The following PTPRD variants were observed in gnomAD, a reference collection of about 807,000 sequenced individuals.
PTPRD encodes receptor-type tyrosine-protein phosphatase delta.
In PTPRD, 34 loss-of-function variants were observed where a neutral mutation model predicts 214.5. The observed-to-expected ratio is 0.16, with a 90% CI of 0.12 to 0.21. The LOEUF (loss-of-function observed/expected upper bound fraction) is 0.21, where lower values mean the gene tolerates loss of function less well. PTPRD is among the 10% of genes least tolerant of loss of function. PTPRD has a pLI of 1.00. For missense variants in PTPRD, 2,545 were observed against 2,398.7 expected (o/e 1.06, Z -1.27); for synonymous variants, 1,128 against 845.7 (o/e 1.33, Z -5.79).
At chr9:8,937,272 C>A (rs1347809671) in intron 11 of PTPRD, among the ~76,000 whole-genome samples, 1 of 152,086 alleles carries the variant, frequency 6.6e-6, no homozygotes, top group Admixed American at 6.6e-5. Context: ...AATCAAAGAA[C>A]GTGCATGGGA....
rs151078630 is a variant in PTPRD at position 9,578,135 on chromosome 9, T to C, written c.-286-3354A>G. On this transcript the variant is annotated intron_variant, in intron 7 of 45. Coordinates refer to ENST00000381196, the MANE Select transcript of PTPRD (RefSeq NM_002839.4). ...TGAGGAACAACCATTCAGAAAGCAC[T>C]GATGTTAAGCCAAGCAGGCAAACCA... Among the ~76,000 whole-genome samples, 49 of 150,632 alleles carry C rather than the reference T, an allele frequency of 3.3e-4. 1 individual carries two copies. The highest frequency in any genetic ancestry group is 1.2e-3 in the African/African-American group (48 of 41,074).
chr9:10,099,453 A>T (rs1032167389), intron 3 of PTPRD, among the ~76,000 whole-genome samples: 2 of 151,834 alleles, frequency 1.3e-5, no homozygotes, highest in Non-Finnish European at 2.9e-5. Flanking sequence ...AAATTATACG[A>T]GTTAATATAT....
intron 8 of PTPRD, among the ~76,000 whole-genome samples, chr9:9,520,533 T>A (rs892499153): frequency 6.6e-6 from 1 of 152,130 alleles, no homozygotes; most frequent in Non-Finnish European, 1.5e-5. Context: ...GTGTCTTTTT[T>A]CTACTCAGCT....
In PTPRD at chr9:10,591,255, G is replaced by A. The variant is rs886883820; in HGVS notation, c.-600+21143C>T. Among the ~76,000 whole-genome samples, 3 of 151,916 alleles carry A rather than the reference G, an allele frequency of 2.0e-5. No individual in the cohort carries two copies. In the East Asian group the frequency reaches 5.8e-4, roughly 29 times the overall value. On this transcript the variant is annotated intron_variant, in intron 2 of 45. Transcript: ENST00000381196. ...TCTATTTATATTATTTTTTGTTGGT[G>A]CATGTGTATGTGTGTATGTCTGTGG...
At position 8,931,077 on chromosome 9, in the gene PTPRD, C is replaced by T. The variant is rs138202900; in HGVS notation, c.-104+87620G>A. Among the ~76,000 whole-genome samples the T allele has an allele frequency of 8.1e-3, 1,228 of 152,110 alleles. 17 individuals are homozygous for T. The highest frequency in any genetic ancestry group is 0.028 in the African/African-American group (1,163 of 41,494). On this transcript the variant is annotated intron_variant, in intron 11 of 45. Transcript: ENST00000381196. ...ATGGTATTGCCTAGGTTTTCTTCTA[C>T]GGTTTTTATGGGTTTAGGTCTGACA...
At chr9:10,060,848 CCTTT>C (rs1176741920) in intron 3 of PTPRD, among the ~76,000 whole-genome samples, 1 of 111,268 alleles carries the variant, frequency 9.0e-6, no homozygotes, top group Non-Finnish European at 1.6e-5. Context: ...TCCTTCCTTT[CCTTT>C]CTTTCTTCCT....
At chr9:9,169,612 G>A (rs1355380066) in intron 10 of PTPRD, among the ~76,000 whole-genome samples, 2 of 152,004 alleles carry the variant, frequency 1.3e-5, no homozygotes, top group Admixed American at 1.3e-4. Flanking sequence ...GATACACATA[G>A]GCAGCTTTGT....
chr9:9,138,241 C>T (rs774251529), intron 10 of PTPRD, among the ~76,000 whole-genome samples: 1 of 151,898 alleles, frequency 6.6e-6, no homozygotes, highest in Non-Finnish European at 1.5e-5. Context: ...TTATATTACA[C>T]AGTATCTGCA....
intron 9 of PTPRD, among the ~76,000 whole-genome samples, chr9:9,354,033 G>A (rs2052604939): frequency 1.3e-5 from 2 of 151,836 alleles, no homozygotes; most frequent in Admixed American, 1.3e-4. Flanking sequence ...CCTAGAGGCT[G>A]CTCTGAGCTC....
At chr9:10,420,769 CTA>C (rs2098538387) in intron 2 of PTPRD, among the ~76,000 whole-genome samples, 1 of 151,836 alleles carries the variant, frequency 6.6e-6, no homozygotes, top group African/African-American at 2.4e-5. Context: ...TCTAAAGTAT[CTA>C]TTCTTTATCA....
At chr9:9,442,572 A>T (rs141776303) in intron 8 of PTPRD, among the ~76,000 whole-genome samples, 19 of 152,328 alleles carry the variant, frequency 1.2e-4, no homozygotes, top group Non-Finnish European at 2.4e-4. Flanking sequence ...GGTATAAATG[A>T]CTGTCAAGTT....
chr9:8,889,851 A>T (rs2098523630), intron 11 of PTPRD, among the ~76,000 whole-genome samples: 1 of 151,944 alleles, frequency 6.6e-6, no homozygotes, highest in Admixed American at 6.6e-5. Flanking sequence ...TTCTTTATCC[A>T]CTTGTTGGTT....
At chr9:9,473,999 G>C (rs1430448761) in intron 8 of PTPRD, among the ~76,000 whole-genome samples, 1 of 151,470 alleles carries the variant, frequency 6.6e-6, no homozygotes, top group African/African-American at 2.4e-5. Flanking sequence ...TGTTTTCTTT[G>C]CCTGTGATTT....
intron 11 of PTPRD, among the ~76,000 whole-genome samples, chr9:8,781,260 G>T (rs950405541): frequency 6.6e-6 from 1 of 152,180 alleles, no homozygotes; most frequent in African/African-American, 2.4e-5. Flanking sequence ...AGAATCTTAA[G>T]AGTCAGGGGG....
intron 5 of PTPRD, among the ~76,000 whole-genome samples, chr9:9,782,083 A>G (rs1187356383): frequency 1.3e-5 from 2 of 151,452 alleles, no homozygotes; most frequent in East Asian, 1.9e-4. Context: ...GAGCCACCGC[A>G]CCCGGCCTTT....
chr9:8,883,153 A>G (rs2098460491), intron 11 of PTPRD, among the ~76,000 whole-genome samples: 1 of 152,196 alleles, frequency 6.6e-6, no homozygotes, highest in Non-Finnish European at 1.5e-5. Context: ...TGCCAATTGG[A>G]TTACACATAT....
intron 23 of PTPRD, 113 bp from the exon 24 acceptor site, chr9:8,501,172 A>G (rs1295510127): frequency 1.3e-6 from 1 of 775,140 alleles, no homozygotes; most frequent in Admixed American, 2.9e-5. Context: ...CAATAAGGAC[A>G]AAATGAAAAT....
intron 11 of PTPRD, among the ~76,000 whole-genome samples, chr9:8,994,546 G>C (rs2099389310): frequency 6.6e-6 from 1 of 152,036 alleles, no homozygotes; most frequent in South Asian, 2.1e-4. Context: ...TAATTAAGTG[G>C]CTAGAAAGCT....
intron 3 of PTPRD, among the ~76,000 whole-genome samples, chr9:10,114,277 G>A (rs1316688894): frequency 6.6e-6 from 1 of 152,116 alleles, no homozygotes; most frequent in East Asian, 1.9e-4. Context: ...TAACAGCTGA[G>A]CCACCCTATT....
Sources: allele counts gnomAD v4.1 joint callset (sites outside exome capture counted in the v4.1 genomes callset), GRCh38; gene constraint gnomAD v4.1.1; transcripts MANE v1.5; gene names NCBI Gene and HGNC (gene_info 2026-07-23, HGNC 2026-07-21).